ACVR1B: variants seen among roughly 807,000 people sequenced by gnomAD.
The protein encoded by ACVR1B is activin A receptor type 1B.
A neutral mutation model predicts 55.6 loss-of-function variants in ACVR1B; 15 were observed. That is an observed-to-expected ratio of 0.27 (90% CI 0.18 to 0.42). The LOEUF (loss-of-function observed/expected upper bound fraction) is 0.42, where lower values mean the gene tolerates loss of function less well. Among genes scored for constraint, ACVR1B ranks in the 10% least tolerant of loss-of-function variants. The pLI is 1.00. For missense variants in ACVR1B, 359 were observed against 670.1 expected (o/e 0.54, Z 5.13); for synonymous variants, 247 against 254.6 (o/e 0.97, Z 0.28).
At chr12:51,954,574 A>G (rs2120414847) in intron 1 of ACVR1B, among the ~76,000 whole-genome samples, 1 of 152,242 alleles carries the variant, frequency 6.6e-6, no homozygotes, top group East Asian at 1.9e-4. Flanking sequence ...TTGTTTAAAC[A>G]GCTCCTGGAA....
chr12:51,955,372 A>G (rs1350084631), intron 1 of ACVR1B, among the ~76,000 whole-genome samples: 2 of 152,208 alleles, frequency 1.3e-5, no homozygotes, highest in Non-Finnish European at 2.9e-5. Flanking sequence ...TAACCTTGCT[A>G]CCAAAATATG....
chr12:51,955,741 C>T (rs1316772594), intron 1 of ACVR1B, among the ~76,000 whole-genome samples: 1 of 152,198 alleles, frequency 6.6e-6, no homozygotes, highest in African/African-American at 2.4e-5. Context: ...TCTCATTTTC[C>T]TCTCTGTATT....
Position 51,984,088 on chromosome 12 carries a change from A to G in ACVR1B, c.901A>G (p.Ile301Val), listed in dbSNP as rs1341677521. ...FDYLNRYTVT[I>V]EGMIKLALSA... ...TTATCTGAACCGGTACACAGTGACA[A>G]TTGAGGGGATGATTAAGCTGGCCTT... The change falls in exon 5 of 9, where the codon ATT becomes GTT. Residue 301 changes from isoleucine (I) to valine (V), a missense_variant. Around this residue, in one of 5 missense-constraint regions of ACVR1B, gnomAD observed 119 missense variants for 340.2 expected, o/e 0.35. Coordinates refer to ENST00000257963, the MANE Select transcript of ACVR1B (RefSeq NM_004302.5). 8 of 1,614,040 alleles carry G rather than the reference A, an allele frequency of 5.0e-6. No homozygotes were observed. The highest frequency in any genetic ancestry group is 6.8e-6 in the Non-Finnish European group (8 of 1,180,024).
At chr12:51,987,260 C>A in intron 7 of ACVR1B, 1 of 618,570 alleles carries the variant, frequency 1.6e-6, no homozygotes. Flanking sequence ...GGGATTCATG[C>A]AGTGGTCTCC....
intron 2 of ACVR1B, among the ~76,000 whole-genome samples, chr12:51,975,851 C>T (rs1437496810): frequency 6.6e-6 from 1 of 152,148 alleles, no homozygotes; most frequent in Non-Finnish European, 1.5e-5. Flanking sequence ...GGTGACTCCT[C>T]AAGGGAGGAT....
chr12:51,976,408 T>C lies in ACVR1B; in HGVS notation c.413T>C (p.Leu138Pro). The C allele has an allele frequency of 6.2e-7, 1 of 1,614,216 alleles. No individual in the cohort carries two copies. Among genetic ancestry groups the C allele is most frequent in the Non-Finnish European group, 8.5e-7 (1 of 1,180,040 alleles). Reference sequence around the variant, plus strand: ...ATCATCGCCGGCCCGGTGTTCCTCCTGTTCCTCATCATCATCATTGTTTTC... The same window carrying C: ...ATCATCGCCGGCCCGGTGTTCCTCCCGTTCCTCATCATCATCATTGTTTTC... ...VGIIAGPVFL[L>P]FLIIIIVFLV... The change falls in exon 3 of 9, where the codon CTG becomes CCG. Residue 138 changes from leucine (L) to proline (P), a missense_variant. This residue lies in a region of ACVR1B where 133 missense variants were observed against 188.2 expected (regional missense o/e 0.71). Transcript: ENST00000257963.
intron 4 of ACVR1B, among the ~76,000 whole-genome samples, chr12:51,983,016 C>T (rs1482667549): frequency 1.3e-5 from 2 of 152,192 alleles, no homozygotes; most frequent in African/African-American, 4.8e-5. Flanking sequence ...GGATCCATCC[C>T]TTTATTGATT....
intron 1 of ACVR1B, among the ~76,000 whole-genome samples, chr12:51,967,019 T>A (rs1280577547): frequency 1.3e-5 from 2 of 151,876 alleles, no homozygotes; most frequent in African/African-American, 4.8e-5. Context: ...GACGGGTGGA[T>A]CACAAGGTCA....
rs761448708 is a variant in ACVR1B, at chr12:51,994,154, G to A, written c.*44G>A. 1.1e-5 allele frequency: 17 copies of A among 1,605,816 alleles called. No homozygotes were observed. The highest frequency in any genetic ancestry group is 2.2e-5 in the South Asian group (2 of 90,890). ...CGGAGCTCCTGGCAGCGAGAACTAC[G>A]CACAGCTGCCGCGTTGAGCGTACGA... On this transcript the variant is annotated 3_prime_UTR_variant, in exon 9 of 9. Transcript: ENST00000257963. This position sits in a 1 kb window ranked among gnomAD's most constrained non-coding sequence, Gnocchi z 4.2.
chr12:51,987,620 C>G (rs1390415925), intron 7 of ACVR1B: 1 of 160,694 alleles, frequency 6.2e-6, no homozygotes, highest in African/African-American at 2.4e-5. Context: ...ATAAGAGATT[C>G]CAGGGCAGTG....
chr12:51,985,410 G>T, intron 6 of ACVR1B, 62 bp downstream of exon 6: 6 of 1,525,798 alleles, frequency 3.9e-6, no homozygotes, highest in Non-Finnish European at 5.3e-6. Context: ...CATCTGTGCC[G>T]TTTCCCATAT....
intron 1 of ACVR1B, among the ~76,000 whole-genome samples, chr12:51,958,864 C>A (rs184064781): frequency 2.2e-3 from 334 of 152,300 alleles, no homozygotes; most frequent in Non-Finnish European, 4.0e-3. Flanking sequence ...AGGCCGTGGA[C>A]CAGTACCGGT....
chr12:51,985,330 A>G lies in ACVR1B; in HGVS notation c.1118A>G (p.Gln373Arg), dbSNP rs2120704158. 1 of 1,612,898 alleles carries G rather than the reference A, an allele frequency of 6.2e-7. No individual in the cohort carries two copies. The change falls in exon 6 of 9, where the codon CAG becomes CGG. Residue 373 changes from glutamine to arginine, a missense_variant. Gln to Arg is a conservative substitution (Grantham distance 43). This residue lies in a region of ACVR1B where 119 missense variants were observed against 340.2 expected (regional missense o/e 0.35). Coordinates refer to ENST00000257963, the MANE Select transcript of ACVR1B (RefSeq NM_004302.5). ...VTDTIDIAPN[Q>R]RVGTKRYMAP... ...GACACCATTGACATTGCCCCGAATC[A>G]GAGGGTGGGGACCAAACGGTAGGAG...
intron 1 of ACVR1B, among the ~76,000 whole-genome samples, chr12:51,955,957 C>A (rs1941400795): frequency 6.6e-6 from 1 of 152,266 alleles, no homozygotes; most frequent in Non-Finnish European, 1.5e-5. Context: ...TTTTCACTCT[C>A]ATGCAGGTTT....
intron 6 of ACVR1B, among the ~76,000 whole-genome samples, chr12:51,986,140 A>G (rs1435940203): frequency 6.6e-6 from 1 of 152,234 alleles, no homozygotes; most frequent in Non-Finnish European, 1.5e-5. Flanking sequence ...GACTACATTC[A>G]ATAAAGTGAA....
rs769044059 is a variant in ACVR1B at position 51,985,172 on chromosome 12, C to T, written c.980-20C>T. 16 of 1,598,800 alleles carry T rather than the reference C, an allele frequency of 1.0e-5. No individual in the cohort carries two copies. Among genetic ancestry groups the T allele is most frequent in the Non-Finnish European group, 1.4e-5 (16 of 1,172,824 alleles). ...TTTATATCATCTCTTTGTAAAGATC[C>T]CTGTTTTTTTCTCTGCCAGGGAAGC... On this transcript the variant is annotated intron_variant, in intron 5 of 8. Coordinates refer to ENST00000257963, the MANE Select transcript of ACVR1B (RefSeq NM_004302.5).
At chr12:51,970,815 A>G (rs1592249523) in intron 1 of ACVR1B, among the ~76,000 whole-genome samples, 1 of 152,376 alleles carries the variant, frequency 6.6e-6, no homozygotes, top group East Asian at 1.9e-4. Flanking sequence ...TAAACAGGAC[A>G]GTGCTCCACA....
intron 4 of ACVR1B, 129 bp downstream of exon 4, chr12:51,981,328 G>A: frequency 1.4e-6 from 1 of 728,804 alleles, no homozygotes; most frequent in Non-Finnish European, 2.2e-6. Flanking sequence ...GTAAGGTCAA[G>A]GTTTCCATGC....
intron 1 of ACVR1B, among the ~76,000 whole-genome samples, chr12:51,956,896 A>T (rs1290882341): frequency 6.6e-6 from 1 of 151,878 alleles, no homozygotes; most frequent in African/African-American, 2.4e-5. Context: ...AGTAGCTGAG[A>T]CCTCAGGTGT....
Sources: gnomAD v4.1 joint callset for allele counts (sites outside exome capture counted in the v4.1 genomes callset) on GRCh38, gnomAD v4.1.1 for gene constraint, gnomAD v4.1.1 regional missense constraint, Gnocchi (gnomAD v3.1) non-coding constraint, MANE v1.5 for transcripts, NCBI Gene and HGNC (gene_info 2026-07-23, HGNC 2026-07-21) for gene names.